Variants in SCUBE1 observed in about 807,000 individuals in gnomAD.
The protein encoded by SCUBE1 is signal peptide, CUB domain and EGF like domain containing 1.
Under a neutral mutation model 124.4 loss-of-function variants are expected in SCUBE1, and 59 were observed. The observed-to-expected ratio is 0.47, with a 90% CI of 0.38 to 0.59. The LOEUF is 0.59. Among genes scored for constraint, SCUBE1 ranks in the 20% least tolerant of loss-of-function variants. The pLI, the probability that SCUBE1 is intolerant of heterozygous loss-of-function variation, is 0.00. For synonymous variants in SCUBE1, 545 were observed against 550.9 expected (o/e 0.99, Z 0.15); for missense variants, 1,150 against 1,371.2 (o/e 0.84, Z 2.55).
At chr22:43,334,730 C>A (rs772551959) in intron 2 of SCUBE1, among the ~76,000 whole-genome samples, 1 of 152,080 alleles carries the variant, frequency 6.6e-6, no homozygotes, top group African/African-American at 2.4e-5. Flanking sequence ...TCAATAGCAC[C>A]GTCATCATCA....
At chr22:43,328,275 G>C (rs35421273) in intron 2 of SCUBE1, among the ~76,000 whole-genome samples, 48,999 of 151,900 alleles carry the variant, frequency 0.32, 8,246 homozygotes, top group East Asian at 0.53. Context: ...GTTGGCGCGT[G>C]TGAGATGGAA....
At chr22:43,281,509 T>TCAGCCACCCTCCTGTCACCTC (rs1924877144) in intron 4 of SCUBE1, among the ~76,000 whole-genome samples, 1 of 50,308 alleles carries the variant, frequency 2.0e-5, no homozygotes, top group East Asian at 5.0e-3. Context: ...TGTCACCTCC[T>TCAGCCACCCTCCTGTCACCTC]CCTCAGCCAC....
In SCUBE1 at chr22:43,255,848, G is replaced by A. The variant is rs763946984; in HGVS notation, c.727+2371C>T. Among the ~76,000 whole-genome samples, 2 of 152,144 alleles carry A rather than the reference G, an allele frequency of 1.3e-5. No homozygotes were observed. The highest frequency in any genetic ancestry group is 4.8e-5 in the African/African-American group (2 of 41,402). ...ACCTGGGACACAGAGGGGACTCAGG[G>A]CCCATGGGCAAGCAAACAGAGAAGG... On this transcript the variant is annotated intron_variant, in intron 6 of 21. Transcript: ENST00000360835. The surrounding 1 kb of genome is among the most constrained non-coding windows in gnomAD (Gnocchi z 4.7).
intron 17 of SCUBE1, 61 bp downstream of exon 17, chr22:43,212,364 C>G: frequency 6.6e-7 from 1 of 1,511,962 alleles, no homozygotes; most frequent in Non-Finnish European, 8.9e-7. Flanking sequence ...GGGGAAGCCT[C>G]TCGGAGCAGT....
chr22:43,323,208 C>G (rs1926614044), intron 2 of SCUBE1, among the ~76,000 whole-genome samples: 1 of 152,176 alleles, frequency 6.6e-6, no homozygotes, highest in Non-Finnish European at 1.5e-5. Flanking sequence ...TATCCTTCTA[C>G]TTGTTCTGCA....
At chr22:43,326,993 G>A (rs534138032) in intron 2 of SCUBE1, among the ~76,000 whole-genome samples, 1 of 152,288 alleles carries the variant, frequency 6.6e-6, no homozygotes, top group South Asian at 2.1e-4. Flanking sequence ...GTCCTCTGAT[G>A]CTGCAAATCC....
intron 3 of SCUBE1, among the ~76,000 whole-genome samples, chr22:43,300,715 G>C (rs541106287): frequency 8.5e-5 from 13 of 152,166 alleles, no homozygotes; most frequent in Admixed American, 6.5e-5. Flanking sequence ...GCAGCACTAG[G>C]TACTCAGGAG....
intron 14 of SCUBE1, among the ~76,000 whole-genome samples, chr22:43,219,891 G>A (rs555236784): frequency 7.2e-5 from 11 of 151,852 alleles, no homozygotes; most frequent in Admixed American, 2.0e-4. Context: ...TTGCACGTGC[G>A]TCTGCCTCTC....
At chr22:43,338,991 A>T in intron 2 of SCUBE1, 113 bp downstream of exon 2, 1 of 1,268,774 alleles carries the variant, frequency 7.9e-7, no homozygotes, top group Non-Finnish European at 1.1e-6. Flanking sequence ...CAGCAACCAC[A>T]ATGGTGGTGC....
chr22:43,270,167 T>C (rs1322111280), intron 4 of SCUBE1: 2 of 152,246 alleles, frequency 1.3e-5, no homozygotes, highest in Non-Finnish European at 2.9e-5. Context: ...CACAAAATTA[T>C]TGAAATGCCA....
chr22:43,208,037 C>G (rs781214020), intron 20 of SCUBE1, 35 bp downstream of exon 20: 2 of 1,612,106 alleles, frequency 1.2e-6, no homozygotes, highest in Admixed American at 1.7e-5. Flanking sequence ...CCGCCTGAGC[C>G]GTGCACAGTG....
chr22:43,227,117 G>T (rs1922349642), intron 10 of SCUBE1, among the ~76,000 whole-genome samples: 1 of 152,172 alleles, frequency 6.6e-6, no homozygotes, highest in African/African-American at 2.4e-5. Context: ...TCTCCTCTGT[G>T]CCCTCCTCCC....
At chr22:43,269,372 A>G (rs1447968088) in intron 4 of SCUBE1, among the ~76,000 whole-genome samples, 1 of 152,148 alleles carries the variant, frequency 6.6e-6, no homozygotes, top group African/African-American at 2.4e-5. Flanking sequence ...TGCGTACATC[A>G]CATCCTCTGC....
intron 4 of SCUBE1, among the ~76,000 whole-genome samples, chr22:43,275,286 C>T (rs1474437896): frequency 6.6e-6 from 1 of 152,192 alleles, no homozygotes; most frequent in Non-Finnish European, 1.5e-5. Flanking sequence ...CAGTGCAGGA[C>T]CCAGCAAACC....
At chr22:43,293,999 G>A (rs1239920585) in intron 3 of SCUBE1, among the ~76,000 whole-genome samples, 1 of 151,582 alleles carries the variant, frequency 6.6e-6, no homozygotes, top group African/African-American at 2.4e-5. Context: ...CTGGCAGGGC[G>A]GCTGGGCCTT....
At chr22:43,297,920 G>A (rs1925624400) in intron 3 of SCUBE1, among the ~76,000 whole-genome samples, 1 of 152,148 alleles carries the variant, frequency 6.6e-6, no homozygotes. Context: ...CCCTCCACTG[G>A]CTCCGGTGTC....
intron 3 of SCUBE1, among the ~76,000 whole-genome samples, chr22:43,291,559 G>A (rs549747723): frequency 1.3e-5 from 2 of 151,780 alleles, no homozygotes; most frequent in African/African-American, 2.4e-5. Flanking sequence ...ACAGTGGCAC[G>A]GTGGGCCCCC....
At chr22:43,312,331 G>A (rs1182109588) in intron 3 of SCUBE1, among the ~76,000 whole-genome samples, 4 of 152,220 alleles carry the variant, frequency 2.6e-5, no homozygotes, top group Non-Finnish European at 5.9e-5. Context: ...GCAGACCTCT[G>A]AGCAAGGGGA....
chr22:43,308,023 T>C (rs1314725608), intron 3 of SCUBE1, among the ~76,000 whole-genome samples: 2 of 151,910 alleles, frequency 1.3e-5, no homozygotes, highest in Non-Finnish European at 2.9e-5. Context: ...AAGCAGGCCA[T>C]GGGCATGAGG....
Sources: gnomAD v4.1 joint callset for allele counts (sites outside exome capture counted in the v4.1 genomes callset) on GRCh38, gnomAD v4.1.1 for gene constraint, Gnocchi (gnomAD v3.1) non-coding constraint, MANE v1.5 for transcripts, NCBI Gene and HGNC (gene_info 2026-07-23, HGNC 2026-07-21) for gene names.